Variants in SERPINI2 observed in about 807,000 individuals in gnomAD.
SERPINI2 encodes the protein serpin I2.
SERPINI2 carries 48 observed loss-of-function variants against 47.3 expected under a neutral mutation model. The observed-to-expected ratio is 1.02, with a 90% CI of 0.81 to 1.29. The LOEUF (loss-of-function observed/expected upper bound fraction) is 1.29, where lower values mean the gene tolerates loss of function less well. Among genes scored for constraint, SERPINI2 ranks in the 50% most tolerant of loss-of-function variants. The probability of loss-of-function intolerance (pLI) is 0.00; values close to 1 mark genes in which losing one functional copy is unlikely to be tolerated. For synonymous variants in SERPINI2, 135 were observed against 149.3 expected, an observed-to-expected ratio of 0.90 and a Z score of 0.70; for missense variants, 448 against 456.9, an observed-to-expected ratio of 0.98 and a Z score of 0.18.
intron 7 of SERPINI2, among the ~76,000 whole-genome samples, chr3:167,449,075 A>C (rs186310728): frequency 1.3e-5 from 2 of 152,366 alleles, no homozygotes; most frequent in East Asian, 3.9e-4. Flanking sequence ...ATTCGCAAGT[A>C]AGCAAATATC....
intron 5 of SERPINI2, among the ~76,000 whole-genome samples, chr3:167,464,076 A>C (rs1246928185): frequency 1.5e-5 from 2 of 136,708 alleles, no homozygotes; most frequent in African/African-American, 5.6e-5. Flanking sequence ...GCAGTGGCGC[A>C]GTCTCAGCTC....
At chr3:167,442,469 G>C (rs748999572) in intron 8 of SERPINI2, among the ~76,000 whole-genome samples, 6 of 152,168 alleles carry the variant, frequency 3.9e-5, no homozygotes. Flanking sequence ...TAAAGTGACA[G>C]AGAGGTGTTC....
At chr3:167,443,876 T>C in intron 8 of SERPINI2, among the ~76,000 whole-genome samples, 1 of 152,142 alleles carries the variant, frequency 6.6e-6, no homozygotes, top group East Asian at 1.9e-4. Context: ...CTTGACATAA[T>C]AGTGAAGAAT....
intron 2 of SERPINI2, among the ~76,000 whole-genome samples, 153 bp from the exon 3 acceptor site, chr3:167,467,438 A>C (rs745897909): frequency 6.6e-6 from 1 of 152,212 alleles, no homozygotes; most frequent in Non-Finnish European, 1.5e-5. Context: ...AAATATTTTA[A>C]GGATGTATCT....
At position 167,465,593 on chromosome 3, in the gene SERPINI2, C is replaced by G. The variant is rs773521179; in HGVS notation, c.559G>C (p.Gly187Arg). ...TTTCTGAATTTCTGTTTCCAATCTC[C>G]TTTGAAATAAATAGCATTCACCAGG... The change falls in exon 4 of 9, where the codon GGA (glycine) becomes CGA (arginine). Residue 187 changes from glycine (G) to arginine (R), a missense_variant. Transcript: ENST00000264677. 12 of 1,613,684 alleles carry G rather than the reference C, an allele frequency of 7.4e-6. No individual in the cohort carries two copies. Among genetic ancestry groups the G allele is most frequent in the Non-Finnish European group, 1.0e-5 (12 of 1,179,916 alleles).
At chr3:167,447,056 G>A (rs1749499691) in intron 7 of SERPINI2, 1 of 151,946 alleles carries the variant, frequency 6.6e-6, no homozygotes, top group South Asian at 2.1e-4. Flanking sequence ...TTTATATTAT[G>A]TTGCTCCATT....
intron 5 of SERPINI2, among the ~76,000 whole-genome samples, chr3:167,463,789 G>C (rs2108167276): frequency 6.6e-6 from 1 of 152,224 alleles, no homozygotes; most frequent in East Asian, 1.9e-4. Flanking sequence ...ATAGAAGACT[G>C]GCACACTTGT....
chr3:167,449,115 C>A lies in SERPINI2; in HGVS notation c.1051+201G>T, dbSNP rs1270022884. 3.2e-4 allele frequency among the ~76,000 whole-genome samples: 48 copies of A among 151,904 alleles called. 1 individual carries two copies. The highest frequency in any genetic ancestry group is 3.2e-3 in the Admixed American group (48 of 15,194). ...GATAGGTCTCAACTCCTAATCAAACCCCTTCCCTTCCTTTTTGTATCATGC... is the reference window on the plus strand; with the variant it reads ...GATAGGTCTCAACTCCTAATCAAACACCTTCCCTTCCTTTTTGTATCATGC... On this transcript the variant is annotated intron_variant, in intron 7 of 8. Coordinates refer to ENST00000264677, the Ensembl canonical transcript of SERPINI2.
chr3:167,475,629 C>T (rs1321409172), upstream of SERPINI2, among the ~76,000 whole-genome samples: 12 of 151,394 alleles, frequency 7.9e-5, no homozygotes, highest in East Asian at 3.9e-4. Flanking sequence ...TAGACAATGA[C>T]GACAATACAA....
chr3:167,459,941 A>C (rs1749939692), intron 5 of SERPINI2, among the ~76,000 whole-genome samples: 1 of 152,154 alleles, frequency 6.6e-6, no homozygotes, highest in Admixed American at 6.5e-5. Flanking sequence ...CAACAGAAGA[A>C]ATAATTGGAG....
chr3:167,463,204 A>G (rs971884561), intron 5 of SERPINI2, among the ~76,000 whole-genome samples: 5 of 152,168 alleles, frequency 3.3e-5, no homozygotes, highest in African/African-American at 7.2e-5. Context: ...AAAATAAACA[A>G]TTTAATTTCA....
At chr3:167,459,126 G>C (rs933309174) in intron 5 of SERPINI2, among the ~76,000 whole-genome samples, 1 of 149,814 alleles carries the variant, frequency 6.7e-6, no homozygotes, top group Non-Finnish European at 1.5e-5. Flanking sequence ...CCAGGCTGGA[G>C]TGCAGTGGCG....
At chr3:167,476,333 C>CT (rs1750478748), upstream of SERPINI2, among the ~76,000 whole-genome samples, 1 of 151,780 alleles carries the variant, frequency 6.6e-6, no homozygotes, top group Non-Finnish European at 1.5e-5. Flanking sequence ...AAGACATTGT[C>CT]TTTTTTCTTC....
At chr3:167,472,228 C>T (rs1289462317) in intron 1 of SERPINI2, among the ~76,000 whole-genome samples, 1 of 151,980 alleles carries the variant, frequency 6.6e-6, no homozygotes, top group Non-Finnish European at 1.5e-5. Flanking sequence ...GTGCTGTCTA[C>T]TCTACAGTAA....
chr3:167,442,026 A>G, exon 9 of SERPINI2: 1 of 1,062,558 alleles, frequency 9.4e-7, no homozygotes, highest in Non-Finnish European at 1.4e-6. Flanking sequence ...TAAGATATAG[A>G]GCAAATATTG....
At chr3:167,465,091 G>T in intron 5 of SERPINI2, 115 bp downstream of exon 5, 3 of 935,432 alleles carry the variant, frequency 3.2e-6, no homozygotes, top group South Asian at 1.6e-5. Flanking sequence ...AAATACATTT[G>T]TATTTTCATT....
intron 5 of SERPINI2, among the ~76,000 whole-genome samples, chr3:167,464,291 G>A (rs1193352467): frequency 6.6e-6 from 1 of 152,070 alleles, no homozygotes; most frequent in Admixed American, 6.5e-5. Flanking sequence ...TGTGATTACA[G>A]TCATGAGCCA....
intron 5 of SERPINI2, among the ~76,000 whole-genome samples, chr3:167,458,529 C>T (rs959735177): frequency 2.0e-5 from 3 of 151,546 alleles, no homozygotes; most frequent in South Asian, 4.2e-4. Flanking sequence ...CCTAAAGTGC[C>T]GGGTCTACAG....
In SERPINI2 at chr3:167,467,290, A is replaced by G; in HGVS notation, c.248-5T>C. 6.3e-7 allele frequency: 1 copy of G among 1,592,772 alleles called. No individual in the cohort carries two copies. The highest frequency in any genetic ancestry group is 1.1e-5 in the South Asian group (1 of 90,050). Reference sequence around the variant, plus strand: ...TCAGTACAAAAAATTCTTCCCCTAGAAAATAATTTTAATGTATATTGGCAT... The same window carrying G: ...TCAGTACAAAAAATTCTTCCCCTAGGAAATAATTTTAATGTATATTGGCAT... On this transcript the variant is annotated splice_polypyrimidine_tract_variant and splice_region_variant and intron_variant, in intron 2 of 8. Coordinates refer to ENST00000264677, the Ensembl canonical transcript of SERPINI2.
Sources: allele counts gnomAD v4.1 joint callset (sites outside exome capture counted in the v4.1 genomes callset), GRCh38; gene constraint gnomAD v4.1.1; transcripts MANE v1.5; gene names NCBI Gene and HGNC (gene_info 2026-07-23, HGNC 2026-07-21).